KSR2: variants seen among roughly 807,000 people sequenced by gnomAD.
KSR2 encodes kinase suppressor of ras 2.
A neutral mutation model predicts 107.8 loss-of-function variants in KSR2; 25 were observed. That is an observed-to-expected ratio of 0.23 (90% CI 0.17 to 0.32). KSR2 has a LOEUF of 0.32. Among genes scored for constraint, KSR2 ranks in the 10% least tolerant of loss-of-function variants. The pLI, the probability that KSR2 is intolerant of heterozygous loss-of-function variation, is 1.00. For synonymous variants in KSR2, 480 were observed against 507.0 expected, an observed-to-expected ratio of 0.95 and a Z score of 0.71; for missense variants, 887 against 1,268.9, an observed-to-expected ratio of 0.70 and a Z score of 4.57.
intron 5 of KSR2, among the ~76,000 whole-genome samples, chr12:117,583,405 G>GTGGATGGATGGA (rs369518226): frequency 3.9e-5 from 5 of 127,060 alleles, no homozygotes; most frequent in Admixed American, 7.9e-5. Context: ...GGGTGAGTGA[G>GTGGATGGATGGA]TGGATGGATG....
intron 3 of KSR2, among the ~76,000 whole-genome samples, chr12:117,845,610 T>C (rs1462238427): frequency 6.6e-6 from 1 of 152,146 alleles, no homozygotes; most frequent in Non-Finnish European, 1.5e-5. Context: ...CTCTCCTCTA[T>C]AATCCGGGTG....
At chr12:117,668,850 C>A (rs1884780859) in intron 4 of KSR2, among the ~76,000 whole-genome samples, 3 of 152,114 alleles carry the variant, frequency 2.0e-5, no homozygotes, top group Admixed American at 2.0e-4. Context: ...CTCTTCAAGA[C>A]CCAGGAGATT....
chr12:117,704,388 C>T (rs1886439873), intron 4 of KSR2, among the ~76,000 whole-genome samples: 1 of 152,156 alleles, frequency 6.6e-6, no homozygotes, highest in Admixed American at 6.5e-5. Context: ...CTTACTTCTA[C>T]AGTCTCTTTA....
In KSR2 at chr12:117,761,419, G is replaced by A. The variant is rs1329989398; in HGVS notation, c.578C>T (p.Thr193Ile). The A allele has an allele frequency of 2.5e-6, 4 of 1,612,036 alleles. No homozygotes were observed. In the South Asian group the frequency reaches 3.3e-5, roughly 13 times the overall value. ...GACCCTGGGGCTCTGGGAGAGATGGGTGCGGATCCACGGGGTGGGCTCCGG... is the reference window on the plus strand; with the variant it reads ...GACCCTGGGGCTCTGGGAGAGATGGATGCGGATCCACGGGGTGGGCTCCGG... ...CPPEPTPWIRTHLSQSPRVPS... is the reference protein window; with the variant it reads ...CPPEPTPWIRIHLSQSPRVPS... Residue 193 changes from threonine to isoleucine, a missense_variant, in exon 4 of 20, where the codon ACC (threonine) becomes ATC (isoleucine). Coordinates refer to ENST00000339824, the MANE Select transcript of KSR2 (RefSeq NM_173598.6).
intron 4 of KSR2, among the ~76,000 whole-genome samples, chr12:117,711,915 G>A (rs60762122): frequency 0.016 from 2,366 of 152,292 alleles, 70 homozygotes; most frequent in African/African-American, 0.054. Context: ...AGACACCGCT[G>A]AGCCATGCCC....
chr12:117,786,008 C>T (rs1020401), intron 3 of KSR2, among the ~76,000 whole-genome samples: 69,679 of 151,932 alleles, frequency 0.46, 16,630 homozygotes, highest in East Asian at 0.65. Context: ...AAGAAAACCA[C>T]GCCTAGGCAC....
At chr12:117,633,333 A>G (rs558065059) in intron 5 of KSR2, among the ~76,000 whole-genome samples, 1 of 152,090 alleles carries the variant, frequency 6.6e-6, no homozygotes, top group Non-Finnish European at 1.5e-5. Context: ...CTTCATCTTC[A>G]TGTCTCAGCT....
intron 4 of KSR2, among the ~76,000 whole-genome samples, chr12:117,723,433 T>C (rs1347064525): frequency 2.0e-5 from 3 of 152,102 alleles, no homozygotes; most frequent in African/African-American, 7.2e-5. Context: ...GAGGTAGATA[T>C]TATCAACTCC....
At chr12:117,823,344 G>C (rs147414200) in intron 3 of KSR2, among the ~76,000 whole-genome samples, 1 of 152,306 alleles carries the variant, frequency 6.6e-6, no homozygotes, top group East Asian at 1.9e-4. Flanking sequence ...GGCTGCTACA[G>C]TCATCCAGGC....
intron 4 of KSR2, among the ~76,000 whole-genome samples, chr12:117,692,195 A>C (rs530192): frequency 6.6e-6 from 1 of 151,888 alleles, no homozygotes; most frequent in Non-Finnish European, 1.5e-5. Context: ...GCCAACAAGT[A>C]TATGAAAAGA....
rs1888998327 is a variant in KSR2, at chr12:117,761,187, G to A, written c.810C>T (p.Thr270=). The change falls in exon 4 of 20, where the codon ACC becomes ACT. Residue 270 remains threonine (T), a synonymous_variant. Transcript: ENST00000339824. ...TGGGCGGCGTGCCCGGCGGGGTCAC[G>A]GTGGTGACGATGTTGGGGGTGCGCG... is the stretch of plus-strand genomic sequence containing the variant. ...TPPRTPNIVT[T]VTPPGTPPMR... is the part of the protein sequence containing the mutation. The A allele has an allele frequency of 6.3e-7, 1 of 1,594,134 alleles. No individual in the cohort carries two copies. Among genetic ancestry groups the A allele is most frequent in the Non-Finnish European group, 8.6e-7 (1 of 1,169,134 alleles).
At chr12:117,909,369 G>C (rs958383878) in intron 1 of KSR2, among the ~76,000 whole-genome samples, 1 of 152,154 alleles carries the variant, frequency 6.6e-6, no homozygotes, top group African/African-American at 2.4e-5. Flanking sequence ...ATGGTGGTAA[G>C]GTTGGAAACA....
chr12:117,842,077 G>A lies in KSR2; in HGVS notation c.472+13351C>T, dbSNP rs946014560. Among the ~76,000 whole-genome samples, 13 of 152,216 alleles carry A rather than the reference G, an allele frequency of 8.5e-5. No individual in the cohort carries two copies. Among genetic ancestry groups the A allele is most frequent in the Non-Finnish European group, 1.9e-4 (13 of 68,046 alleles). The stretch of plus-strand genomic sequence containing the variant: ...CAAACCAGCAGCACCAGCGTCGCCT[G>A]GGAACTTGTTAATGCAGATTTCTGG... On this transcript the variant is annotated intron_variant, in intron 3 of 19. Transcript: ENST00000339824. The surrounding 1 kb of genome is among the most constrained non-coding windows in gnomAD (Gnocchi z 4.2).
intron 19 of KSR2, 22 bp from the exon 20 acceptor site, chr12:117,467,227 G>A (rs776645374): frequency 1.4e-6 from 1 of 730,328 alleles, no homozygotes; most frequent in East Asian, 2.7e-5. Context: ...AGAGAAGGGA[G>A]AGAGTGGTGA....
chr12:117,659,478 AGTGTCAC>A (rs1244648373), intron 5 of KSR2, among the ~76,000 whole-genome samples: 4 of 152,176 alleles, frequency 2.6e-5, no homozygotes, highest in Non-Finnish European at 4.4e-5. Context: ...ACAGACAAAA[AGTGTCAC>A]CATTTAAACA....
intron 7 of KSR2, among the ~76,000 whole-genome samples, chr12:117,574,850 C>T (rs899650755): frequency 1.4e-5 from 2 of 147,906 alleles, no homozygotes; most frequent in East Asian, 3.9e-4. Flanking sequence ...CCCTGTCACC[C>T]AGGGAGTTTC....
intron 4 of KSR2, among the ~76,000 whole-genome samples, chr12:117,693,588 C>T (rs1885922560): frequency 6.6e-6 from 1 of 152,206 alleles, no homozygotes; most frequent in African/African-American, 2.4e-5. Context: ...TCTGTGAATG[C>T]CCAAGCCTAG....
At chr12:117,715,503 A>G (rs1315388571) in intron 4 of KSR2, among the ~76,000 whole-genome samples, 1 of 152,218 alleles carries the variant, frequency 6.6e-6, no homozygotes, top group Non-Finnish European at 1.5e-5. Context: ...TGTTGTACCA[A>G]GGGCCAGCCA....
At chr12:117,669,349 G>A (rs1228364438) in intron 4 of KSR2, among the ~76,000 whole-genome samples, 2 of 152,170 alleles carry the variant, frequency 1.3e-5, no homozygotes, top group Non-Finnish European at 2.9e-5. Flanking sequence ...ACTGAAGGCT[G>A]AGAATAACTA....
Sources: gnomAD v4.1 joint callset for allele counts (sites outside exome capture counted in the v4.1 genomes callset) on GRCh38, gnomAD v4.1.1 for gene constraint, Gnocchi (gnomAD v3.1) non-coding constraint, MANE v1.5 for transcripts, NCBI Gene and HGNC (gene_info 2026-07-23, HGNC 2026-07-21) for gene names.